The following ZBTB44 variants were observed in gnomAD, a reference collection of about 807,000 sequenced individuals.
ZBTB44 encodes the protein zinc finger and BTB domain containing 44.
Under a neutral mutation model 54.0 loss-of-function variants are expected in ZBTB44, and 15 were observed. That is an observed-to-expected ratio of 0.28 (90% confidence interval 0.19 to 0.43). ZBTB44 has a LOEUF of 0.43. Among genes scored for constraint, ZBTB44 ranks in the 20% least tolerant of loss-of-function variants. The probability of loss-of-function intolerance (pLI) is 1.00; values close to 1 mark genes in which losing one functional copy is unlikely to be tolerated. For synonymous variants in ZBTB44, 230 were observed against 250.1 expected, an observed-to-expected ratio of 0.92 and a Z score of 0.76; for missense variants, 487 against 707.1, an observed-to-expected ratio of 0.69 and a Z score of 3.53.
At chr11:130,275,259 T>G (rs1030880695) in intron 1 of ZBTB44, among the ~76,000 whole-genome samples, 3 of 152,216 alleles carry the variant, frequency 2.0e-5, no homozygotes, top group African/African-American at 7.2e-5. Flanking sequence ...TAAATTTCCC[T>G]CTAAGCACTG....
At position 130,238,766 on chromosome 11, in the gene ZBTB44, A is replaced by C. The variant is rs1308576428; in HGVS notation, c.1104-159T>G. ...AAGTTTTACTTTAACAATATGAAAA[A>C]CAATGTTAATGTCCAGAATGCCTTT... is the stretch of plus-strand genomic sequence containing the variant. On this transcript the variant is annotated intron_variant, in intron 3 of 7. Coordinates refer to ENST00000357899, the MANE Select transcript of ZBTB44 (RefSeq NM_001301098.2). 5.0e-6 allele frequency: 4 copies of C among 804,544 alleles called. No individual in the cohort carries two copies. In the African/African-American group the frequency reaches 7.2e-5, roughly 14 times the overall value. The allele number at this position is 804,544 out of a possible 1,614,324, so 49.8% of individuals were successfully genotyped here.
chr11:130,312,019 C>G (rs1942638783), intron 1 of ZBTB44, among the ~76,000 whole-genome samples: 1 of 152,050 alleles, frequency 6.6e-6, no homozygotes, highest in Non-Finnish European at 1.5e-5. Flanking sequence ...TTCACCCCTG[C>G]CCCAAAAAAC....
intron 2 of ZBTB44, among the ~76,000 whole-genome samples, chr11:130,243,030 A>C (rs912833610): frequency 6.6e-6 from 1 of 152,194 alleles, no homozygotes; most frequent in African/African-American, 2.4e-5. Flanking sequence ...CGGAGATTTT[A>C]ATTTTGGTTA....
chr11:130,272,420 G>A (rs1379524083), intron 1 of ZBTB44, among the ~76,000 whole-genome samples: 2 of 152,136 alleles, frequency 1.3e-5, no homozygotes, highest in Non-Finnish European at 2.9e-5. Context: ...TATCTTCCTT[G>A]TCCATTTGGA....
chr11:130,292,238 T>A (rs1024313161), intron 1 of ZBTB44, among the ~76,000 whole-genome samples: 1 of 152,248 alleles, frequency 6.6e-6, no homozygotes, highest in Non-Finnish European at 1.5e-5. Context: ...TGTACAAGAT[T>A]TGTGTGGACA....
At chr11:130,246,663 G>A (rs897615100) in intron 2 of ZBTB44, among the ~76,000 whole-genome samples, 10 of 152,154 alleles carry the variant, frequency 6.6e-5, no homozygotes, top group African/African-American at 2.4e-4. Context: ...CTCCTACTGA[G>A]TATTTACCAT....
chr11:130,260,675 A>T (rs1414761474), intron 2 of ZBTB44, among the ~76,000 whole-genome samples, 181 bp downstream of exon 2: 1 of 152,220 alleles, frequency 6.6e-6, no homozygotes, highest in Non-Finnish European at 1.5e-5. Context: ...TATCTTCCCC[A>T]ATGTGCAACT....
At position 130,229,410 on chromosome 11, in the gene ZBTB44, T is replaced by G. The variant is rs1354952531; in HGVS notation, c.*2354A>C. On this transcript the variant is annotated 3_prime_UTR_variant, in exon 8 of 8. Coordinates refer to ENST00000357899, the MANE Select transcript of ZBTB44 (RefSeq NM_001301098.2). ...TGAAACATCCAGAGAGCGACTGTTC[T>G]TAGTTGAGCCTGGGATTGAATCAAT... is the stretch of plus-strand genomic sequence containing the variant. The G allele has an allele frequency of 6.6e-6, 1 of 152,196 alleles. No homozygotes were observed. Among genetic ancestry groups the G allele is most frequent in the Non-Finnish European group, 1.5e-5 (1 of 68,026 alleles). 9.4% of individuals were successfully genotyped at this position (152,196 alleles called of 1,614,324 possible). A position where few individuals can be genotyped will look rare whatever the true frequency, so the allele number is the denominator to read the frequency against.
intron 2 of ZBTB44, among the ~76,000 whole-genome samples, chr11:130,244,259 A>G (rs1954529565): frequency 1.3e-5 from 2 of 152,180 alleles, no homozygotes; most frequent in African/African-American, 4.8e-5. Context: ...TCATTAGGTA[A>G]TGAACTCTTT....
chr11:130,289,430 C>A (rs898228998), intron 1 of ZBTB44, among the ~76,000 whole-genome samples: 1 of 148,318 alleles, frequency 6.7e-6, no homozygotes, highest in African/African-American at 2.5e-5. Context: ...TGCAGTGAGC[C>A]GAGATCCCAC....
chr11:130,283,463 A>G (rs1940690097), intron 1 of ZBTB44, among the ~76,000 whole-genome samples: 1 of 152,232 alleles, frequency 6.6e-6, no homozygotes, highest in Non-Finnish European at 1.5e-5. Flanking sequence ...ACAAAACTCA[A>G]AAGAACTGCA....
At chr11:130,266,154 A>T (rs563233553) in intron 1 of ZBTB44, among the ~76,000 whole-genome samples, 13 of 152,358 alleles carry the variant, frequency 8.5e-5, no homozygotes, top group African/African-American at 3.1e-4. Flanking sequence ...TTCATTTACC[A>T]TTCTGAAAAT....
intron 7 of ZBTB44, chr11:130,232,093 C>T (rs1246395046): frequency 6.6e-6 from 1 of 152,144 alleles, no homozygotes; most frequent in Non-Finnish European, 1.5e-5. Flanking sequence ...AGAATCTTAA[C>T]CTAAAACAGT....
chr11:130,262,894 CAA>C (rs141984109), intron 1 of ZBTB44, among the ~76,000 whole-genome samples: 1 of 152,046 alleles, frequency 6.6e-6, no homozygotes, highest in African/African-American at 2.4e-5. Context: ...CCTGTCTCTA[CAA>C]AAAAACACAT....
chr11:130,310,233 G>A (rs1942509927), intron 1 of ZBTB44: 1 of 152,298 alleles, frequency 6.6e-6, no homozygotes, highest in East Asian at 1.9e-4. Flanking sequence ...GGCTGAGGCA[G>A]GAAGATCCCT....
chr11:130,272,716 G>T (rs1471333454), intron 1 of ZBTB44, among the ~76,000 whole-genome samples: 2 of 149,892 alleles, frequency 1.3e-5, no homozygotes, highest in Non-Finnish European at 1.5e-5. Flanking sequence ...GAGTTTTAAA[G>T]TTTCAGGCCT....
At position 130,261,669 on chromosome 11, in the gene ZBTB44, T is replaced by G; in HGVS notation, c.205A>C (p.Lys69Gln). ...ACATGATGCAGATCCAACACATTCT[T>G]GTTCTCATCCTCGGCTTGGCCTACA... ...KLVGQAEDEN[K>Q]NVLDLHHVTV... The change falls in exon 2 of 8, where the codon AAG becomes CAG. Residue 69 changes from lysine (K) to glutamine (Q), a missense_variant. By Grantham distance (53) the Lys-to-Gln change is moderately conservative. This residue lies in a region of ZBTB44 where 90 missense variants were observed against 160.3 expected (regional missense o/e 0.56). Coordinates refer to ENST00000357899, the MANE Select transcript of ZBTB44 (RefSeq NM_001301098.2). This position sits in a 1 kb window ranked among gnomAD's most constrained non-coding sequence, Gnocchi z 4.8. The G allele has an allele frequency of 6.2e-7, 1 of 1,614,036 alleles. No individual in the cohort carries two copies. Among genetic ancestry groups the G allele is most frequent in the African/African-American group, 1.3e-5 (1 of 75,074 alleles).
intron 1 of ZBTB44, among the ~76,000 whole-genome samples, chr11:130,262,269 A>G (rs2136442579): frequency 6.6e-6 from 1 of 152,182 alleles, no homozygotes; most frequent in East Asian, 1.9e-4. Context: ...CCTCCCGAGT[A>G]GCTGGGATTA....
chr11:130,256,409 G>A (rs531131549), intron 2 of ZBTB44, among the ~76,000 whole-genome samples: 33 of 152,298 alleles, frequency 2.2e-4, no homozygotes, highest in African/African-American at 7.9e-4. Flanking sequence ...TGGGCGTGGT[G>A]GCTCACGCCT....
Sources: allele counts gnomAD v4.1 joint callset (sites outside exome capture counted in the v4.1 genomes callset), GRCh38; gene constraint gnomAD v4.1.1; regional missense constraint gnomAD v4.1.1; non-coding constraint Gnocchi (gnomAD v3.1); transcripts MANE v1.5; gene names NCBI Gene and HGNC (gene_info 2026-07-23, HGNC 2026-07-21).